CSMD3: variants seen among roughly 807,000 people sequenced by gnomAD.
CSMD3 encodes CUB and Sushi multiple domains 3, also known as CUB and sushi domain-containing protein 3.
A neutral mutation model predicts 435.2 loss-of-function variants in CSMD3; 177 were observed. The ratio of observed to expected loss-of-function variants is 0.41; its 90% CI spans 0.36 to 0.46. CSMD3 has a LOEUF of 0.46. CSMD3 is among the 20% of genes least tolerant of loss of function. The pLI is 0.34. For synonymous variants in CSMD3, 1,656 were observed against 1,520.5 expected (o/e 1.09, Z -2.07); for missense variants, 4,265 against 4,504.6 (o/e 0.95, Z 1.52).
At chr8:112,323,730 C>G (rs1823231331) in intron 45 of CSMD3, among the ~76,000 whole-genome samples, 2 of 151,988 alleles carry the variant, frequency 1.3e-5, no homozygotes, top group Non-Finnish European at 2.9e-5. Flanking sequence ...TGTTCCTTAC[C>G]TTCAGTGTCT....
intron 13 of CSMD3, among the ~76,000 whole-genome samples, chr8:112,734,514 AT>A (rs2077143577): frequency 1.3e-5 from 2 of 151,972 alleles, no homozygotes; most frequent in African/African-American, 4.8e-5. Flanking sequence ...TTACACATCA[AT>A]TTTTTGTGAG....
chr8:112,897,499 C>CT (rs1281399536), intron 10 of CSMD3, among the ~76,000 whole-genome samples: 1 of 151,272 alleles, frequency 6.6e-6, no homozygotes, highest in Non-Finnish European at 1.5e-5. Flanking sequence ...CTATTGATTA[C>CT]ATTCCCTTAC....
intron 53 of CSMD3, among the ~76,000 whole-genome samples, chr8:112,296,849 C>T (rs777245949): frequency 6.6e-6 from 1 of 151,682 alleles, no homozygotes; most frequent in East Asian, 1.9e-4. Context: ...TTAGCTAACC[C>T]TATTAACACC....
At chr8:112,255,161 C>T in intron 62 of CSMD3, 93 bp downstream of exon 62, 2 of 1,036,524 alleles carry the variant, frequency 1.9e-6, no homozygotes, top group African/African-American at 1.6e-5. Flanking sequence ...TTATATTAAG[C>T]CAACTATAGG....
At chr8:112,438,340 A>T (rs1814603250) in intron 32 of CSMD3, among the ~76,000 whole-genome samples, 1 of 152,170 alleles carries the variant, frequency 6.6e-6, no homozygotes, top group African/African-American at 2.4e-5. Context: ...CTAACATGTG[A>T]CAGAATGCTG....
At chr8:112,541,680 A>C (rs909470271) in intron 27 of CSMD3, among the ~76,000 whole-genome samples, 2 of 152,090 alleles carry the variant, frequency 1.3e-5, no homozygotes, top group African/African-American at 4.8e-5. Context: ...CGTTTAAATA[A>C]GAATTAATTT....
At chr8:112,249,500 C>T (rs1815070569) in intron 63 of CSMD3, among the ~76,000 whole-genome samples, 1 of 152,056 alleles carries the variant, frequency 6.6e-6, no homozygotes, top group Non-Finnish European at 1.5e-5. Context: ...ACACAATAGA[C>T]AATTATAATA....
intron 13 of CSMD3, among the ~76,000 whole-genome samples, chr8:112,771,904 A>G (rs2078126733): frequency 6.6e-6 from 1 of 152,076 alleles, no homozygotes; most frequent in Middle Eastern, 3.2e-3. Flanking sequence ...ATTTCTGAGG[A>G]AAACAATTTT....
At chr8:112,467,201 C>A (rs1051391901) in intron 32 of CSMD3, among the ~76,000 whole-genome samples, 1 of 152,068 alleles carries the variant, frequency 6.6e-6, no homozygotes, top group African/African-American at 2.4e-5. Context: ...GAGACTGTGC[C>A]AATAATAAAA....
intron 13 of CSMD3, among the ~76,000 whole-genome samples, chr8:112,734,787 A>G (rs556802886): frequency 6.6e-6 from 1 of 152,126 alleles, no homozygotes; most frequent in South Asian, 2.1e-4. Context: ...TAAATGCTAT[A>G]TAAGAATAGG....
At chr8:113,431,479 G>A (rs191007992) in intron 1 of CSMD3, among the ~76,000 whole-genome samples, 4 of 152,112 alleles carry the variant, frequency 2.6e-5, no homozygotes, top group African/African-American at 9.7e-5. Flanking sequence ...TTCTCAAAAG[G>A]TCATGTTGCC....
intron 13 of CSMD3, among the ~76,000 whole-genome samples, chr8:112,795,556 G>A (rs1419271419): frequency 6.6e-6 from 1 of 152,092 alleles, no homozygotes; most frequent in Non-Finnish European, 1.5e-5. Context: ...TAATTTAATG[G>A]AATTTTGAGG....
chr8:113,071,540 C>T (rs1005421868), intron 5 of CSMD3, among the ~76,000 whole-genome samples: 3 of 151,472 alleles, frequency 2.0e-5, no homozygotes, highest in African/African-American at 7.3e-5. Flanking sequence ...CGTGTAGATA[C>T]ATTTTTTTAT....
intron 13 of CSMD3, among the ~76,000 whole-genome samples, chr8:112,721,552 G>C (rs906574318): frequency 6.6e-6 from 1 of 152,074 alleles, no homozygotes; most frequent in Non-Finnish European, 1.5e-5. Context: ...CTCCAGCCTG[G>C]GTGACAGAAC....
At chr8:113,102,757 C>T (rs539860656) in intron 4 of CSMD3, among the ~76,000 whole-genome samples, 3 of 152,124 alleles carry the variant, frequency 2.0e-5, no homozygotes, top group East Asian at 1.9e-4. Flanking sequence ...GTAAAAAGGG[C>T]GAGGGGCTAT....
At chr8:112,967,504 TG>T (rs1181463336) in intron 7 of CSMD3, among the ~76,000 whole-genome samples, 3 of 151,830 alleles carry the variant, frequency 2.0e-5, no homozygotes, top group Non-Finnish European at 4.4e-5. Flanking sequence ...TTTTTTTTCC[TG>T]GTGTGCTTTC....
chr8:112,733,639 C>A (rs1301849972), intron 13 of CSMD3, among the ~76,000 whole-genome samples: 1 of 132,814 alleles, frequency 7.5e-6, no homozygotes, highest in Non-Finnish European at 1.6e-5. Flanking sequence ...AGAATACATG[C>A]ATTTACAACT....
intron 4 of CSMD3, among the ~76,000 whole-genome samples, chr8:113,172,260 T>C (rs1362090691): frequency 1.3e-5 from 2 of 152,190 alleles, no homozygotes; most frequent in Non-Finnish European, 2.9e-5. Context: ...CTGAGTAATC[T>C]AGAGCAATTA....
intron 56 of CSMD3, among the ~76,000 whole-genome samples, chr8:112,290,137 A>ACTCATAGC (rs1586667386): frequency 6.6e-6 from 1 of 152,086 alleles, no homozygotes; most frequent in Non-Finnish European, 1.5e-5. Flanking sequence ...TAAAACTGCT[A>ACTCATAGC]CTCATAGCAG....
Sources: allele counts gnomAD v4.1 joint callset (sites outside exome capture counted in the v4.1 genomes callset), GRCh38; gene constraint gnomAD v4.1.1; transcripts MANE v1.5; gene names NCBI Gene and HGNC (gene_info 2026-07-23, HGNC 2026-07-21).